USP37: variants seen among roughly 807,000 people sequenced by gnomAD.
The protein encoded by USP37 is ubiquitin carboxyl-terminal hydrolase 37.
In USP37, 27 loss-of-function variants were observed where a neutral mutation model predicts 124.0. The observed-to-expected ratio is 0.22, with a 90% CI of 0.16 to 0.30. The LOEUF is 0.30. Among genes scored for constraint, USP37 ranks in the 10% least tolerant of loss-of-function variants. The pLI is 1.00. For missense variants in USP37, 889 were observed against 1,140.4 expected (o/e 0.78, Z 3.17); for synonymous variants, 365 against 388.0 (o/e 0.94, Z 0.70).
rs181578094 is a variant in USP37 at position 218,489,938 on chromosome 2, G to A, written c.1473-1517C>T. 8.5e-4 allele frequency among the ~76,000 whole-genome samples: 129 copies of A among 152,234 alleles called. 1 individual carries two copies. The highest frequency in any genetic ancestry group is 6.7e-3 in the Admixed American group (103 of 15,284). The stretch of plus-strand genomic sequence containing the variant: ...TATGCCTGCTGCGCATGACTCTACT[G>A]CATTTTCGTTGTTGTATAGCTTTAA... On this transcript the variant is annotated intron_variant, in intron 14 of 25. Coordinates refer to ENST00000258399, the MANE Select transcript of USP37 (RefSeq NM_020935.3).
chr2:218,463,334 G>A lies in USP37; in HGVS notation c.2499C>T (p.Leu833=), dbSNP rs1318145969. The A allele has an allele frequency of 1.9e-6, 3 of 1,613,766 alleles. No individual in the cohort carries two copies. The highest frequency in any genetic ancestry group is 2.5e-6 in the Non-Finnish European group (3 of 1,179,986). The change falls in exon 22 of 26, where the codon CTC becomes CTT. Residue 833 remains leucine, a synonymous_variant. Transcript: ENST00000258399. ...GAAGACTTAACTCGGTAGCTCTTTT[G>A]AGGTCATCATCTTCTTTCTGTTCCC... ...EAWEQKEDDD[L]KRATELSLQE...
chr2:218,480,273 G>A (rs960218392), intron 17 of USP37, among the ~76,000 whole-genome samples: 8 of 151,848 alleles, frequency 5.3e-5, no homozygotes, highest in African/African-American at 1.7e-4. Flanking sequence ...GGTGGCAGGC[G>A]CCTGTAGTCC....
At chr2:218,461,157 A>G (rs1689997741) in intron 22 of USP37, among the ~76,000 whole-genome samples, 1 of 152,208 alleles carries the variant, frequency 6.6e-6, no homozygotes, top group Admixed American at 6.6e-5. Context: ...TATTTGCTTT[A>G]ATATATAATT....
At chr2:218,463,478 C>A in intron 21 of USP37, 112 bp from the exon 22 acceptor site, 1 of 832,848 alleles carries the variant, frequency 1.2e-6, no homozygotes, top group South Asian at 1.5e-5. Context: ...CTTTCTATAA[C>A]CTTATGGATG....
At chr2:218,500,252 CATTT>C (rs1012776317) in intron 11 of USP37, among the ~76,000 whole-genome samples, 7 of 151,170 alleles carry the variant, frequency 4.6e-5, no homozygotes, top group South Asian at 2.1e-4. Flanking sequence ...TGTTTGTATT[CATTT>C]ATTTATTTAT....
intron 22 of USP37, among the ~76,000 whole-genome samples, chr2:218,461,229 C>T (rs1690001013): frequency 6.6e-6 from 1 of 152,056 alleles, no homozygotes; most frequent in Non-Finnish European, 1.5e-5. Flanking sequence ...AGAATGAAGC[C>T]AGGCACGGTG....
chr2:218,550,575 C>G (rs766552136), intron 5 of USP37, among the ~76,000 whole-genome samples: 8 of 146,664 alleles, frequency 5.5e-5, no homozygotes, highest in Admixed American at 2.8e-4. Flanking sequence ...AATTACTGAG[C>G]GAACATACAA....
chr2:218,537,496 A>C (rs1559215891), intron 8 of USP37, among the ~76,000 whole-genome samples: 1 of 152,252 alleles, frequency 6.6e-6, no homozygotes, highest in African/African-American at 2.4e-5. Flanking sequence ...GAGGCGTAAC[A>C]AAATTAGAAT....
At position 218,450,769 on chromosome 2, in the gene USP37, T is replaced by A. The variant is rs570677607; in HGVS notation, c.*4161A>T. 4.4e-4 allele frequency: 67 copies of A among 152,336 alleles called. No individual in the cohort carries two copies. Among genetic ancestry groups the A allele is most frequent in the Middle Eastern group, 3.4e-3 (1 of 294 alleles). 9.4% of individuals were successfully genotyped at this position (152,336 alleles called of 1,614,324 possible). A position where few individuals can be genotyped will look rare whatever the true frequency, so the allele number is the denominator to read the frequency against. On this transcript the variant is annotated 3_prime_UTR_variant, in exon 26 of 26. Coordinates refer to ENST00000258399, the MANE Select transcript of USP37 (RefSeq NM_020935.3). ...CAGACCCTCACCCACTCTATTCTTATGCCAATGGACATACCTATACTTTGA... is the reference window on the plus strand; with the variant it reads ...CAGACCCTCACCCACTCTATTCTTAAGCCAATGGACATACCTATACTTTGA...
chr2:218,505,997 G>A (rs757192576), intron 11 of USP37, among the ~76,000 whole-genome samples: 2 of 151,686 alleles, frequency 1.3e-5, no homozygotes, highest in Non-Finnish European at 2.9e-5. Context: ...CTGAGTATCT[G>A]GGACCAGAGG....
At chr2:218,526,874 C>T (rs1415476106) in intron 10 of USP37, among the ~76,000 whole-genome samples, 2 of 137,502 alleles carry the variant, frequency 1.5e-5, no homozygotes, top group East Asian at 2.5e-4. Flanking sequence ...CTGCAAGCTC[C>T]GCCTCCCGGG....
At chr2:218,508,842 C>T (rs749174817) in intron 11 of USP37, among the ~76,000 whole-genome samples, 2 of 152,148 alleles carry the variant, frequency 1.3e-5, no homozygotes, top group African/African-American at 2.4e-5. Flanking sequence ...TAAACTACTA[C>T]GGATAAGCCA....
intron 11 of USP37, among the ~76,000 whole-genome samples, chr2:218,506,286 C>CTTTTT (rs60620765): frequency 1.8e-4 from 13 of 72,620 alleles, no homozygotes; most frequent in African/African-American, 2.3e-4. Context: ...TTCTTTCTGG[C>CTTTTT]TTTTTTTTTT....
In USP37 at chr2:218,526,785, C is replaced by CTTTTTTTTT. The variant is rs71064454; in HGVS notation, c.863+3162_863+3170dup. 1.2e-3 allele frequency among the ~76,000 whole-genome samples: 89 copies of CTTTTTTTTT among 75,932 alleles called. 8 individuals are homozygous for CTTTTTTTTT. The highest frequency in any genetic ancestry group is 3.2e-3 in the African/African-American group (57 of 17,734). 49.8% of individuals were successfully genotyped at this position (75,932 alleles called of 152,430 possible). A position where few individuals can be genotyped will look rare whatever the true frequency, so the allele number is the denominator to read the frequency against. On this transcript the variant is annotated intron_variant, in intron 10 of 25. Transcript: ENST00000258399. ...AACGTAAGTTTCTTCATTTCATTTGCTTTTTTTTTTTTTTTTTTTTTGGGA... is the reference window on the plus strand; with the variant it reads ...AACGTAAGTTTCTTCATTTCATTTGCTTTTTTTTTTTTTTTTTTTTTTTTTTTTTTGGGA...
intron 17 of USP37, among the ~76,000 whole-genome samples, chr2:218,481,413 G>C (rs1411107674): frequency 6.6e-6 from 1 of 151,824 alleles, no homozygotes; most frequent in Admixed American, 6.6e-5. Context: ...GAACTTCCAG[G>C]GAAAAAACAC....
chr2:218,486,000 A>T (rs1434650523), intron 15 of USP37: 15 of 383,988 alleles, frequency 3.9e-5, no homozygotes, highest in African/African-American at 2.3e-4. Flanking sequence ...GATAGTAACT[A>T]GACTCTAAAA....
At chr2:218,544,426 T>TAGAGAGAG (rs1434695494) in intron 8 of USP37, among the ~76,000 whole-genome samples, 418 of 47,670 alleles carry the variant, frequency 8.8e-3, no homozygotes, top group East Asian at 0.028. Context: ...TATATATATA[T>TAGAGAGAG]ATATAGAGAG....
chr2:218,520,440 C>T (rs1429976415), intron 10 of USP37, among the ~76,000 whole-genome samples: 1 of 151,120 alleles, frequency 6.6e-6, no homozygotes, highest in African/African-American at 2.4e-5. Flanking sequence ...ACCTCCACCT[C>T]CCAGGTTCAA....
At chr2:218,503,144 G>GCA (rs1689474821) in intron 11 of USP37, among the ~76,000 whole-genome samples, 1 of 151,932 alleles carries the variant, frequency 6.6e-6, no homozygotes, top group Admixed American at 6.6e-5. Flanking sequence ...CAAGAGACAC[G>GCA]CACTGTAAGA....
Sources: allele counts gnomAD v4.1 joint callset (sites outside exome capture counted in the v4.1 genomes callset), GRCh38; gene constraint gnomAD v4.1.1; transcripts MANE v1.5; gene names NCBI Gene and HGNC (gene_info 2026-07-23, HGNC 2026-07-21).